CADM2: variants seen among roughly 807,000 people sequenced by gnomAD.
The protein encoded by CADM2 is cell adhesion molecule 2, also known as immunoglobulin superfamily member 4D.
In CADM2, 12 loss-of-function variants were observed where a neutral mutation model predicts 49.8. The observed-to-expected ratio is 0.24, with a 90% CI of 0.15 to 0.39. The LOEUF (loss-of-function observed/expected upper bound fraction) is 0.39. CADM2 is among the 10% of genes least tolerant of loss of function. CADM2 has a pLI of 1.00. For missense variants in CADM2, 378 were observed against 492.3 expected, an observed-to-expected ratio of 0.77 and a Z score of 2.20; for synonymous variants, 214 against 175.4, an observed-to-expected ratio of 1.22 and a Z score of -1.74.
chr3:85,378,208 G>C (rs2033702144), intron 1 of CADM2, among the ~76,000 whole-genome samples: 1 of 151,970 alleles, frequency 6.6e-6, no homozygotes, highest in Admixed American at 6.6e-5. Context: ...TTAATATGAA[G>C]TATAAGATCT....
intron 1 of CADM2, among the ~76,000 whole-genome samples, chr3:85,357,167 C>G (rs1487867505): frequency 2.6e-5 from 4 of 152,172 alleles, no homozygotes; most frequent in South Asian, 2.1e-4. Context: ...ATACCTAGTC[C>G]TTTATTGGCT....
At chr3:85,180,514 G>GC (rs2040906388) in intron 1 of CADM2, among the ~76,000 whole-genome samples, 1 of 77,308 alleles carries the variant, frequency 1.3e-5, no homozygotes, top group Non-Finnish European at 2.8e-5. Flanking sequence ...GTCTCAAAAA[G>GC]AAAAAAAAAA....
intron 1 of CADM2, among the ~76,000 whole-genome samples, chr3:85,336,788 C>A (rs1361746793): frequency 1.3e-5 from 2 of 148,910 alleles, no homozygotes; most frequent in East Asian, 3.9e-4. Context: ...TCAATCATTT[C>A]TTTCCATTTT....
At chr3:85,516,344 T>C (rs17455991) in intron 1 of CADM2, among the ~76,000 whole-genome samples, 90,606 of 152,022 alleles carry the variant, frequency 0.6, 28,449 homozygotes, top group East Asian at 0.93. Flanking sequence ...TCTGTATTGG[T>C]TCCATGCCAG....
intron 1 of CADM2, among the ~76,000 whole-genome samples, chr3:85,004,432 C>T (rs1387326050): frequency 6.6e-6 from 1 of 151,900 alleles, no homozygotes; most frequent in Admixed American, 6.6e-5. Flanking sequence ...AAGATAAGGC[C>T]CTTGTTCTCA....
intron 1 of CADM2, among the ~76,000 whole-genome samples, chr3:85,687,652 A>T (rs2066255658): frequency 6.6e-6 from 1 of 152,228 alleles, no homozygotes; most frequent in South Asian, 2.1e-4. Flanking sequence ...AGAGGAAGAA[A>T]GAGGAAGACA....
chr3:85,459,702 T>G (rs1051260811), intron 1 of CADM2, among the ~76,000 whole-genome samples: 15 of 152,264 alleles, frequency 9.9e-5, no homozygotes, highest in Non-Finnish European at 2.2e-4. Flanking sequence ...TATCATTTAT[T>G]TTATTGCTGA....
intron 8 of CADM2, among the ~76,000 whole-genome samples, chr3:86,058,510 A>G (rs1302760794): frequency 6.6e-6 from 1 of 152,148 alleles, no homozygotes; most frequent in African/African-American, 2.4e-5. Flanking sequence ...ATAGCAGTAA[A>G]TGGTTTAAGG....
At position 85,458,087 on chromosome 3, in the gene CADM2, T is replaced by C. The variant is rs991512710; in HGVS notation, c.62-268435T>C. On this transcript the variant is annotated intron_variant, in intron 1 of 9. Transcript: ENST00000383699. ...TCAACTATTCCTTTGTTTATGATCT[T>C]CCTTTCAGGAAGCAAACGCTTGTTC... Among the ~76,000 whole-genome samples, 3 of 152,354 alleles carry C rather than the reference T, an allele frequency of 2.0e-5. No individual in the cohort carries two copies. The East Asian group carries it at 5.8e-4, about 29-fold the overall frequency.
chr3:85,698,080 A>T (rs1441162147), intron 1 of CADM2, among the ~76,000 whole-genome samples: 2 of 152,212 alleles, frequency 1.3e-5, no homozygotes, highest in African/African-American at 4.8e-5. Flanking sequence ...CTAGTTGTGT[A>T]CCACAAAACT....
intron 1 of CADM2, among the ~76,000 whole-genome samples, chr3:85,616,727 C>T (rs1207664232): frequency 1.3e-5 from 2 of 152,030 alleles, no homozygotes; most frequent in Admixed American, 6.6e-5. Context: ...TTTAATAAGA[C>T]TTTAATTTAA....
chr3:85,313,363 A>G (rs1233288429), intron 1 of CADM2, among the ~76,000 whole-genome samples: 1 of 152,224 alleles, frequency 6.6e-6, no homozygotes, highest in Non-Finnish European at 1.5e-5. Flanking sequence ...GGTTAAAAGT[A>G]TTTGAAGTGT....
chr3:85,845,917 C>T (rs1370929868), intron 3 of CADM2, among the ~76,000 whole-genome samples: 1 of 152,050 alleles, frequency 6.6e-6, no homozygotes, highest in Non-Finnish European at 1.5e-5. Flanking sequence ...TGGTATTGGG[C>T]TACACTGGTG....
rs114361401 is a variant in CADM2, at chr3:85,076,282, C to T, written c.61+116614C>T. Among the ~76,000 whole-genome samples, 699 of 144,236 alleles carry T rather than the reference C, an allele frequency of 4.8e-3. 5 individuals are homozygous for T. Among genetic ancestry groups the T allele is most frequent in the African/African-American group, 0.016 (614 of 38,964 alleles). The allele number at this position is 144,236 out of a possible 152,430, so 94.6% of individuals were successfully genotyped here. ...TGATTCTAGCCACTGAACTACTAAC[C>T]ACCAAACTATAAAAAAGAAATTGTG... On this transcript the variant is annotated intron_variant, in intron 1 of 9. Coordinates refer to ENST00000383699, the MANE Select transcript of CADM2 (RefSeq NM_001167675.2).
At chr3:85,546,576 A>T (rs13092437) in intron 1 of CADM2, among the ~76,000 whole-genome samples, 25,557 of 151,912 alleles carry the variant, frequency 0.17, 2,667 homozygotes, top group Non-Finnish European at 0.23. Flanking sequence ...ACTAATATTA[A>T]ATTATATATG....
At position 85,986,661 on chromosome 3, in the gene CADM2, A is replaced by C. The variant is rs541177325; in HGVS notation, c.970+25014A>C. 2.2e-3 allele frequency among the ~76,000 whole-genome samples: 331 copies of C among 152,236 alleles called. 1 individual carries two copies. Among genetic ancestry groups the C allele is most frequent in the African/African-American group, 7.6e-3 (317 of 41,556 alleles). Reference sequence around the variant, plus strand: ...AGGGTACAAAAATAGTTTAATTTTCACTAGTCTTTTAAAAAACAATCATGA... The same window carrying C: ...AGGGTACAAAAATAGTTTAATTTTCCCTAGTCTTTTAAAAAACAATCATGA... On this transcript the variant is annotated intron_variant, in intron 8 of 9. Coordinates refer to ENST00000383699, the MANE Select transcript of CADM2 (RefSeq NM_001167675.2).
At chr3:85,105,746 A>C (rs2038196784) in intron 1 of CADM2, among the ~76,000 whole-genome samples, 1 of 152,212 alleles carries the variant, frequency 6.6e-6, no homozygotes. Context: ...CATGTACAGC[A>C]TGGGATACTA....
intron 1 of CADM2, among the ~76,000 whole-genome samples, chr3:85,470,584 C>T (rs1038205196): frequency 1.3e-4 from 20 of 152,012 alleles, no homozygotes; most frequent in African/African-American, 3.9e-4. Flanking sequence ...AGAGTGACTA[C>T]GTGATTTTTT....
At chr3:85,944,020 G>A (rs1722314261) in intron 7 of CADM2, among the ~76,000 whole-genome samples, 1 of 151,912 alleles carries the variant, frequency 6.6e-6, no homozygotes, top group Non-Finnish European at 1.5e-5. Flanking sequence ...GCTGTATTCA[G>A]GAAACCCATC....
Sources: gnomAD v4.1 joint callset for allele counts (sites outside exome capture counted in the v4.1 genomes callset) on GRCh38, gnomAD v4.1.1 for gene constraint, MANE v1.5 for transcripts, NCBI Gene and HGNC (gene_info 2026-07-23, HGNC 2026-07-21) for gene names.